KLF15: variants seen among roughly 807,000 people sequenced by gnomAD.
The protein encoded by KLF15 is KLF transcription factor 15, also known as Krueppel-like factor 15.
A neutral mutation model predicts 24.6 loss-of-function variants in KLF15; 4 were observed. The observed-to-expected ratio is 0.16, with a 90% CI of 0.08 to 0.37. The LOEUF (loss-of-function observed/expected upper bound fraction) is 0.37, where lower values mean the gene tolerates loss of function less well. Among genes scored for constraint, KLF15 ranks in the 10% least tolerant of loss-of-function variants. The probability of loss-of-function intolerance (pLI) is 1.00; values close to 1 mark genes in which losing one functional copy is unlikely to be tolerated. For synonymous variants in KLF15, 246 were observed against 236.3 expected (o/e 1.04, Z -0.37); for missense variants, 496 against 560.6 (o/e 0.88, Z 1.16).
intron 2 of KLF15, among the ~76,000 whole-genome samples, chr3:126,348,568 T>G (rs1576585390): frequency 6.6e-6 from 1 of 152,220 alleles, no homozygotes; most frequent in East Asian, 1.9e-4. Context: ...GTGCCTCAGT[T>G]TCCCTCTCTG....
chr3:126,345,907 C>G (rs1213688070), intron 2 of KLF15, among the ~76,000 whole-genome samples: 1 of 152,136 alleles, frequency 6.6e-6, no homozygotes, highest in African/African-American at 2.4e-5. Context: ...TGAAGCCCAA[C>G]TGCCCTGCCT....
Position 126,343,764 on chromosome 3 carries a change from A to T in KLF15, c.1214T>A (p.Phe405Tyr). Residue 405 changes from phenylalanine to tyrosine, a missense_variant, in exon 3 of 3, where the codon TTC (phenylalanine) becomes TAC (tyrosine). By Grantham distance (22) the Phe-to-Tyr change is conservative. Transcript: ENST00000296233. ...GCGCACGGAGCGGCTGCTCCGCGGG[A>T]AGCGGTGCACCTTGATGTGCTTGGA... ...HLSKHIKVHR[F>Y]PRSSRSVRSV... 1 of 1,611,736 alleles carries T rather than the reference A, an allele frequency of 6.2e-7. No individual in the cohort carries two copies. Among genetic ancestry groups the T allele is most frequent in the South Asian group, 1.1e-5 (1 of 90,994 alleles).
chr3:126,292,717 G>A, the KLF15 span, among the ~76,000 whole-genome samples: 1 of 152,072 alleles, frequency 6.6e-6, no homozygotes, highest in South Asian at 2.1e-4. Context: ...TCTGGACGAG[G>A]GGAGGGAAGC....
intron 2 of KLF15, among the ~76,000 whole-genome samples, chr3:126,347,851 C>G (rs183423544): frequency 5.8e-4 from 89 of 152,320 alleles, no homozygotes; most frequent in African/African-American, 2.1e-3. Flanking sequence ...AGGGAGGGCA[C>G]TGTCCATTAC....
Position 126,356,389 on chromosome 3 carries a change from G to A in KLF15, c.-26+848C>T, listed in dbSNP as rs908299504. Among the ~76,000 whole-genome samples, 8 of 152,134 alleles carry A rather than the reference G, an allele frequency of 5.3e-5. No homozygotes were observed. The highest frequency in any genetic ancestry group is 1.2e-4 in the Non-Finnish European group (8 of 68,020). On this transcript the variant is annotated intron_variant, in intron 1 of 2. Coordinates refer to ENST00000296233, the MANE Select transcript of KLF15 (RefSeq NM_014079.4). This position sits in a 1 kb window ranked among gnomAD's most constrained non-coding sequence, Gnocchi z 4.4. ...AAAACAGCCCCTCTGTGCCCTCCGTGAGAGGGGGGTTCCATGAGTAACACC... is the reference window on the plus strand; with the variant it reads ...AAAACAGCCCCTCTGTGCCCTCCGTAAGAGGGGGGTTCCATGAGTAACACC...
rs779471226 is a variant in KLF15 at position 126,352,147 on chromosome 3, G to T, written c.776C>A (p.Thr259Asn). 1 of 1,572,910 alleles carries T rather than the reference G, an allele frequency of 6.4e-7. No homozygotes were observed. Among genetic ancestry groups the T allele is most frequent in the East Asian group, 2.3e-5 (1 of 43,566 alleles). Residue 259 changes from threonine to asparagine, a missense_variant, in exon 2 of 3, where the codon ACC becomes AAC. Thr to Asn is a moderately conservative substitution (Grantham distance 65). Around this residue, in one of 3 missense-constraint regions of KLF15, gnomAD observed 399 missense variants for 423.1 expected, o/e 0.94. Coordinates refer to ENST00000296233, the MANE Select transcript of KLF15 (RefSeq NM_014079.4). ...TACCACCTGGGGCACGAGTGCGAAG[G>T]TCTGCCCCTGGATGTTGACCAGGAG... ...AQLLVNIQGQ[T>N]FALVPQVVPS...
At chr3:126,330,436 T>C in the KLF15 span, among the ~76,000 whole-genome samples, 31 of 152,234 alleles carry the variant, frequency 2.0e-4, no homozygotes, top group African/African-American at 7.5e-4. Context: ...TTATTAATTC[T>C]GGCAGATTTT....
At position 126,347,440 on chromosome 3, in the gene KLF15, C is replaced by T. The variant is rs75924863; in HGVS notation, c.1083-3545G>A. ...TGCACCTACCACCTCTTGGCTCTGA[C>T]GCTCAAGAGGAGCCTGGAACTCCCC... On this transcript the variant is annotated intron_variant, in intron 2 of 2. Coordinates refer to ENST00000296233, the MANE Select transcript of KLF15 (RefSeq NM_014079.4). 7.0e-3 allele frequency among the ~76,000 whole-genome samples: 1,059 copies of T among 152,308 alleles called. 46 individuals carry two copies. The highest frequency in any genetic ancestry group is 0.054 in the Admixed American group (831 of 15,296).
At chr3:126,305,821 G>T in the KLF15 span, among the ~76,000 whole-genome samples, 1 of 152,242 alleles carries the variant, frequency 6.6e-6, no homozygotes, top group South Asian at 2.1e-4. Flanking sequence ...CCTTTTCAGG[G>T]TGGGGTCTGG....
the KLF15 span, among the ~76,000 whole-genome samples, chr3:126,334,065 A>G: frequency 2.0e-5 from 3 of 152,134 alleles, no homozygotes; most frequent in African/African-American, 7.2e-5. Context: ...CTCTGCACCA[A>G]GTGGACCTAA....
the KLF15 span, among the ~76,000 whole-genome samples, chr3:126,301,803 C>T: frequency 6.6e-6 from 1 of 151,710 alleles, no homozygotes; most frequent in Non-Finnish European, 1.5e-5. Context: ...TTAGTAGAGA[C>T]GGGGTTTCAC....
At chr3:126,297,092 T>C in the KLF15 span, among the ~76,000 whole-genome samples, 1 of 152,342 alleles carries the variant, frequency 6.6e-6, no homozygotes, top group African/African-American at 2.4e-5. Flanking sequence ...GTGTGGTGAT[T>C]AATTCTAAAC....
At chr3:126,310,105 C>T in the KLF15 span, among the ~76,000 whole-genome samples, 1 of 152,380 alleles carries the variant, frequency 6.6e-6, no homozygotes, top group East Asian at 1.9e-4. Context: ...AGGGGCAAGC[C>T]TGACACCACC....
chr3:126,344,017 C>G, intron 2 of KLF15, 122 bp from the exon 3 acceptor site: 1 of 968,338 alleles, frequency 1.0e-6, no homozygotes, highest in Non-Finnish European at 1.5e-6. Context: ...GCTGCGCAGA[C>G]CTGCAGCCTC....
At chr3:126,299,396 T>A in the KLF15 span, among the ~76,000 whole-genome samples, 1 of 152,086 alleles carries the variant, frequency 6.6e-6, no homozygotes, top group African/African-American at 2.4e-5. Flanking sequence ...TCTAGGAGCT[T>A]TTAGTTAAAA....
the KLF15 span, among the ~76,000 whole-genome samples, chr3:126,333,932 G>A: frequency 4.0e-5 from 6 of 150,428 alleles, no homozygotes; most frequent in Admixed American, 3.3e-4. Flanking sequence ...CAAGTCCTGA[G>A]TGACCTACAA....
rs959209253 is a variant in KLF15, at chr3:126,348,603, T to A, written c.1082+3238A>T. 2.0e-5 allele frequency among the ~76,000 whole-genome samples: 3 copies of A among 152,236 alleles called. No homozygotes were observed. In the East Asian group the frequency reaches 5.8e-4, roughly 29 times the overall value. ...GTAAAATGAAGATTGGTGCCTACACTTTACCAGGCAGTTACAAGGACCTGA... is the reference window on the plus strand; with the variant it reads ...GTAAAATGAAGATTGGTGCCTACACATTACCAGGCAGTTACAAGGACCTGA... On this transcript the variant is annotated intron_variant, in intron 2 of 2. Coordinates refer to ENST00000296233, the MANE Select transcript of KLF15 (RefSeq NM_014079.4).
At chr3:126,323,403 TTATA>T in the KLF15 span, among the ~76,000 whole-genome samples, 46 of 50,834 alleles carry the variant, frequency 9.0e-4, 1 homozygote, top group African/African-American at 3.7e-3. Flanking sequence ...GCCCCAGTAG[TTATA>T]TATATATATA....
chr3:126,341,015 G>C (rs756663287), downstream of KLF15, among the ~76,000 whole-genome samples: 3 of 152,194 alleles, frequency 2.0e-5, no homozygotes, highest in Non-Finnish European at 4.4e-5. Context: ...TCTGCAGGGC[G>C]AAGGAGCTGA....
Sources: gnomAD v4.1 joint callset for allele counts (sites outside exome capture counted in the v4.1 genomes callset) on GRCh38, gnomAD v4.1.1 for gene constraint, gnomAD v4.1.1 regional missense constraint, Gnocchi (gnomAD v3.1) non-coding constraint, MANE v1.5 for transcripts, NCBI Gene and HGNC (gene_info 2026-07-23, HGNC 2026-07-21) for gene names.